RAB3C: variants seen among roughly 807,000 people sequenced by gnomAD.
The protein encoded by RAB3C is ras-related protein Rab-3C.
A neutral mutation model predicts 26.4 loss-of-function variants in RAB3C; 17 were observed. The observed-to-expected ratio is 0.64, with a 90% CI of 0.44 to 0.97. RAB3C has a LOEUF of 0.97. Among genes scored for constraint, RAB3C ranks in the 50% least tolerant of loss-of-function variants. The pLI, the probability that RAB3C is intolerant of heterozygous loss-of-function variation, is 0.00. For synonymous variants in RAB3C, 91 were observed against 95.9 expected, an observed-to-expected ratio of 0.95 and a Z score of 0.30; for missense variants, 242 against 281.9, an observed-to-expected ratio of 0.86 and a Z score of 1.01.
At chr5:58,594,319 T>G (rs923920894) in intron 1 of RAB3C, among the ~76,000 whole-genome samples, 1 of 152,196 alleles carries the variant, frequency 6.6e-6, no homozygotes, top group African/African-American at 2.4e-5. Flanking sequence ...AGATAGTTTT[T>G]CTTTAGAATG....
chr5:58,834,693 C>G (rs1743696702), intron 4 of RAB3C, among the ~76,000 whole-genome samples: 1 of 152,192 alleles, frequency 6.6e-6, no homozygotes, highest in Non-Finnish European at 1.5e-5. Flanking sequence ...ATTATATCCC[C>G]AGGCTCACTT....
At chr5:58,667,004 G>C (rs1338060010) in intron 2 of RAB3C, among the ~76,000 whole-genome samples, 1 of 152,162 alleles carries the variant, frequency 6.6e-6, no homozygotes, top group African/African-American at 2.4e-5. Flanking sequence ...AAAATTATCT[G>C]ATGCTTTTAG....
intron 3 of RAB3C, among the ~76,000 whole-genome samples, chr5:58,769,585 G>C (rs1741984647): frequency 6.6e-6 from 1 of 152,020 alleles, no homozygotes; most frequent in Non-Finnish European, 1.5e-5. Flanking sequence ...TTGATCTGAG[G>C]AAAGTTCTGA....
chr5:58,693,883 C>G (rs954597053), intron 2 of RAB3C, among the ~76,000 whole-genome samples: 1 of 152,102 alleles, frequency 6.6e-6, no homozygotes, highest in African/African-American at 2.4e-5. Context: ...GCTTGACAAC[C>G]CAGTCCATCC....
At chr5:58,617,347 A>T (rs775937837) in intron 1 of RAB3C, among the ~76,000 whole-genome samples, 2 of 152,116 alleles carry the variant, frequency 1.3e-5, no homozygotes, top group Non-Finnish European at 2.9e-5. Context: ...TTTGCTTGTC[A>T]TGTTACCCTT....
intron 3 of RAB3C, among the ~76,000 whole-genome samples, chr5:58,757,138 G>T: frequency 6.6e-6 from 1 of 150,760 alleles, no homozygotes; most frequent in African/African-American, 2.4e-5. Context: ...TCGCCATTCT[G>T]ACTGGCATGA....
chr5:58,587,316 A>G (rs35454977), intron 1 of RAB3C, among the ~76,000 whole-genome samples: 75,493 of 151,886 alleles, frequency 0.5, 19,141 homozygotes, highest in Non-Finnish European at 0.53. Flanking sequence ...GTTTTCTTGA[A>G]ACTACTCTTG....
At chr5:58,771,772 A>C (rs1475164311) in intron 3 of RAB3C, among the ~76,000 whole-genome samples, 2 of 152,060 alleles carry the variant, frequency 1.3e-5, no homozygotes, top group African/African-American at 4.8e-5. Flanking sequence ...ATTTTTCTTT[A>C]CAAAATAAAA....
At chr5:58,840,576 C>T (rs965271516) in intron 4 of RAB3C, among the ~76,000 whole-genome samples, 5 of 152,214 alleles carry the variant, frequency 3.3e-5, no homozygotes, top group South Asian at 2.1e-4. Flanking sequence ...TTTCTATGCA[C>T]GTGGTAAAGT....
chr5:58,687,224 C>T (rs2111851721), intron 2 of RAB3C, among the ~76,000 whole-genome samples: 1 of 152,222 alleles, frequency 6.6e-6, no homozygotes, highest in African/African-American at 2.4e-5. Flanking sequence ...AACCTGCTAT[C>T]TTCGCAAAAT....
intron 3 of RAB3C, among the ~76,000 whole-genome samples, chr5:58,749,520 G>T (rs1741477070): frequency 6.6e-6 from 1 of 152,168 alleles, no homozygotes; most frequent in African/African-American, 2.4e-5. Flanking sequence ...GAATATTGTT[G>T]TCTTTACTTG....
At chr5:58,835,643 A>C (rs1033016767) in intron 4 of RAB3C, among the ~76,000 whole-genome samples, 3 of 152,214 alleles carry the variant, frequency 2.0e-5, no homozygotes, top group African/African-American at 7.2e-5. Context: ...ACAAACTTGC[A>C]AACACATTTG....
At chr5:58,829,407 T>C (rs1226755895) in intron 4 of RAB3C, among the ~76,000 whole-genome samples, 1 of 152,102 alleles carries the variant, frequency 6.6e-6, no homozygotes, top group Non-Finnish European at 1.5e-5. Context: ...ATAGAATAAT[T>C]TATCTGGGAA....
At chr5:58,834,596 G>A (rs1743693228) in intron 4 of RAB3C, among the ~76,000 whole-genome samples, 2 of 152,168 alleles carry the variant, frequency 1.3e-5, no homozygotes, top group African/African-American at 4.8e-5. Flanking sequence ...CAACCTCTGG[G>A]TTCAGCAGGG....
Position 58,652,939 on chromosome 5 carries a change from G to A in RAB3C, c.252+35069G>A, listed in dbSNP as rs578196324. On this transcript the variant is annotated intron_variant, in intron 2 of 4. Coordinates refer to ENST00000282878, the MANE Select transcript of RAB3C (RefSeq NM_138453.4). ...ATCTGTTGGGTTTTTTAAAAATCACGTTGAATTTGCACGCAATTTAGGGAA... is the reference window on the plus strand; with the variant it reads ...ATCTGTTGGGTTTTTTAAAAATCACATTGAATTTGCACGCAATTTAGGGAA... Among the ~76,000 whole-genome samples, 6 of 152,014 alleles carry A rather than the reference G, an allele frequency of 3.9e-5. 1 individual carries two copies. In the South Asian group the frequency reaches 1.2e-3, roughly 32 times the overall value.
rs1208156244 is a variant in RAB3C at position 58,602,510 on chromosome 5, GT to G, written c.25-15129del. 6.6e-5 allele frequency among the ~76,000 whole-genome samples: 10 copies of G among 152,214 alleles called. No individual in the cohort carries two copies. In the East Asian group the frequency reaches 1.9e-3, roughly 29 times the overall value. ...TCATTTCTTAGGTCTGCTAATAATTGTTTTATAAATTTGGGAGCATTAGGTG... is the reference window on the plus strand; with the variant it reads ...TCATTTCTTAGGTCTGCTAATAATTGTTTATAAATTTGGGAGCATTAGGTG... On this transcript the variant is annotated intron_variant, in intron 1 of 4. Transcript: ENST00000282878.
intron 3 of RAB3C, among the ~76,000 whole-genome samples, chr5:58,812,003 T>C (rs1008744710): frequency 1.3e-5 from 2 of 152,162 alleles, no homozygotes; most frequent in African/African-American, 4.8e-5. Flanking sequence ...AGACTCATGA[T>C]TTTTTTAATC....
intron 4 of RAB3C, among the ~76,000 whole-genome samples, chr5:58,833,814 T>C (rs1454768474): frequency 1.3e-5 from 2 of 152,090 alleles, no homozygotes; most frequent in East Asian, 3.9e-4. Context: ...TGACAGTAAA[T>C]TACTATTTAA....
chr5:58,686,220 T>C (rs890046614), intron 2 of RAB3C, among the ~76,000 whole-genome samples: 1 of 152,074 alleles, frequency 6.6e-6, no homozygotes, highest in Non-Finnish European at 1.5e-5. Context: ...ATGACATTTG[T>C]AGAGTGACCT....
Sources: allele counts gnomAD v4.1 joint callset (sites outside exome capture counted in the v4.1 genomes callset), GRCh38; gene constraint gnomAD v4.1.1; transcripts MANE v1.5; gene names NCBI Gene and HGNC (gene_info 2026-07-23, HGNC 2026-07-21).